KCNQ5: variants seen among roughly 807,000 people sequenced by gnomAD.
KCNQ5 encodes potassium voltage-gated channel subfamily KQT member 5.
In KCNQ5, 30 loss-of-function variants were observed where a neutral mutation model predicts 98.2. That is an observed-to-expected ratio of 0.31 (90% confidence interval 0.23 to 0.41). KCNQ5 has a LOEUF of 0.41. Among genes scored for constraint, KCNQ5 ranks in the 10% least tolerant of loss-of-function variants. The pLI, the probability that KCNQ5 is intolerant of heterozygous loss-of-function variation, is 1.00. For synonymous variants in KCNQ5, 458 were observed against 449.4 expected (o/e 1.02, Z -0.24); for missense variants, 835 against 1,182.5 (o/e 0.71, Z 4.31).
At chr6:72,672,494 A>G (rs1024564617) in intron 1 of KCNQ5, among the ~76,000 whole-genome samples, 1 of 152,214 alleles carries the variant, frequency 6.6e-6, no homozygotes, top group African/African-American at 2.4e-5. Context: ...AGATTATTTC[A>G]TAGACATAAG....
At chr6:72,980,383 G>T (rs929847273) in intron 1 of KCNQ5, among the ~76,000 whole-genome samples, 2 of 152,016 alleles carry the variant, frequency 1.3e-5, no homozygotes, top group Non-Finnish European at 2.9e-5. Flanking sequence ...TCCTTGAAAA[G>T]GTCCTTCACA....
intron 1 of KCNQ5, among the ~76,000 whole-genome samples, chr6:72,757,375 A>G (rs1158861209): frequency 6.6e-6 from 1 of 152,204 alleles, no homozygotes; most frequent in African/African-American, 2.4e-5. Flanking sequence ...TCCTCCATTT[A>G]TGATGGGGTT....
intron 1 of KCNQ5, among the ~76,000 whole-genome samples, chr6:72,839,992 A>G (rs193256899): frequency 2.0e-5 from 3 of 152,176 alleles, no homozygotes; most frequent in Admixed American, 6.5e-5. Flanking sequence ...CCTTCGACCG[A>G]TATCTCTCTA....
intron 3 of KCNQ5, among the ~76,000 whole-genome samples, chr6:73,047,392 C>T (rs1406665174): frequency 6.6e-6 from 1 of 152,202 alleles, no homozygotes; most frequent in Non-Finnish European, 1.5e-5. Flanking sequence ...TATCATGAGG[C>T]TCCCTGTGTA....
intron 7 of KCNQ5, among the ~76,000 whole-genome samples, chr6:73,112,656 G>T (rs950504640): frequency 6.6e-6 from 1 of 152,084 alleles, no homozygotes; most frequent in African/African-American, 2.4e-5. Context: ...CAAGCACACT[G>T]TTTTAATTTA....
intron 4 of KCNQ5, 101 bp from the exon 5 acceptor site, chr6:73,077,661 C>A (rs763940832): frequency 1.1e-5 from 14 of 1,302,752 alleles, no homozygotes; most frequent in Middle Eastern, 2.2e-4. Flanking sequence ...CCATCATAAA[C>A]ATCCAAGAAG....
At chr6:72,937,435 G>A (rs1166173771) in intron 1 of KCNQ5, among the ~76,000 whole-genome samples, 1 of 152,162 alleles carries the variant, frequency 6.6e-6, no homozygotes, top group African/African-American at 2.4e-5. Context: ...AGTTATGCTT[G>A]CCTCTACCAC....
intron 9 of KCNQ5, chr6:73,129,776 A>G: frequency 6.2e-7 from 1 of 1,608,648 alleles, no homozygotes; most frequent in Non-Finnish European, 8.5e-7. Flanking sequence ...GTGCTGCTCT[A>G]TTTCCCTCAC....
At chr6:72,883,859 G>A (rs1390587169) in intron 1 of KCNQ5, among the ~76,000 whole-genome samples, 1 of 152,154 alleles carries the variant, frequency 6.6e-6, no homozygotes, top group East Asian at 1.9e-4. Flanking sequence ...AGATTAAGAA[G>A]AGTGAGGTGG....
At chr6:73,160,326 T>G (rs867473969) in intron 10 of KCNQ5, among the ~76,000 whole-genome samples, 9 of 152,152 alleles carry the variant, frequency 5.9e-5, no homozygotes, top group African/African-American at 7.2e-5. Context: ...TTCCGCTATG[T>G]TTTTGACAAT....
chr6:72,650,161 T>A (rs1765804045), intron 1 of KCNQ5, among the ~76,000 whole-genome samples: 1 of 152,186 alleles, frequency 6.6e-6, no homozygotes, highest in Non-Finnish European at 1.5e-5. Flanking sequence ...TTGTTTCTTA[T>A]AATTTAATCT....
chr6:72,875,574 T>G (rs1019071845), intron 1 of KCNQ5, among the ~76,000 whole-genome samples: 1 of 152,198 alleles, frequency 6.6e-6, no homozygotes, highest in African/African-American at 2.4e-5. Flanking sequence ...TGGCAGAAAC[T>G]TCTTTCATTC....
At chr6:73,163,932 C>T (rs574188381) in intron 10 of KCNQ5, among the ~76,000 whole-genome samples, 42 of 152,128 alleles carry the variant, frequency 2.8e-4, no homozygotes, top group Non-Finnish European at 3.1e-4. Flanking sequence ...TTTGATTTAA[C>T]CTCCCGCCAT....
intron 1 of KCNQ5, among the ~76,000 whole-genome samples, chr6:72,672,031 T>C (rs904518501): frequency 1.3e-5 from 2 of 151,820 alleles, no homozygotes; most frequent in Non-Finnish European, 2.9e-5. Flanking sequence ...TTAGCCAGGA[T>C]GGTCTCAATC....
At chr6:72,757,186 A>T (rs1772014134) in intron 1 of KCNQ5, among the ~76,000 whole-genome samples, 1 of 152,162 alleles carries the variant, frequency 6.6e-6, no homozygotes, top group African/African-American at 2.4e-5. Context: ...TAAGTTTTTC[A>T]TATAGTGTGC....
intron 1 of KCNQ5, among the ~76,000 whole-genome samples, chr6:72,969,862 T>C (rs1212901147): frequency 6.6e-6 from 1 of 152,206 alleles, no homozygotes; most frequent in African/African-American, 2.4e-5. Flanking sequence ...TTAAGAGGAC[T>C]GTCTGGATAA....
At chr6:72,820,621 G>A (rs3903020) in intron 1 of KCNQ5, among the ~76,000 whole-genome samples, 4,452 of 152,128 alleles carry the variant, frequency 0.029, 216 homozygotes, top group African/African-American at 0.1. Context: ...GTAAAAGCAG[G>A]AAGACAGAGG....
intron 1 of KCNQ5, among the ~76,000 whole-genome samples, chr6:72,713,059 A>G (rs1468532935): frequency 6.6e-6 from 1 of 152,196 alleles, no homozygotes; most frequent in African/African-American, 2.4e-5. Flanking sequence ...ATAAATGAAT[A>G]CATGCTTAAA....
chr6:73,164,030 A>T (rs551834924), intron 10 of KCNQ5, among the ~76,000 whole-genome samples: 1 of 152,216 alleles, frequency 6.6e-6, no homozygotes, highest in Non-Finnish European at 1.5e-5. Flanking sequence ...ATGTATATGT[A>T]GCTCACATTT....
Sources: gnomAD v4.1 joint callset for allele counts (sites outside exome capture counted in the v4.1 genomes callset) on GRCh38, gnomAD v4.1.1 for gene constraint, MANE v1.5 for transcripts, NCBI Gene and HGNC (gene_info 2026-07-23, HGNC 2026-07-21) for gene names.